The following PDZRN4 variants were observed in gnomAD, a reference collection of about 807,000 sequenced individuals.
PDZRN4 encodes PDZ domain containing ring finger 4.
In PDZRN4, 70 loss-of-function variants were observed where a neutral mutation model predicts 99.0. That is an observed-to-expected ratio of 0.71 (90% CI 0.58 to 0.86). The LOEUF (loss-of-function observed/expected upper bound fraction) is 0.86. PDZRN4 is among the 40% of genes least tolerant of loss of function. PDZRN4 has a pLI of 0.00. For missense variants in PDZRN4, 1,474 were observed against 1,331.2 expected, an observed-to-expected ratio of 1.11 and a Z score of -1.67; for synonymous variants, 551 against 501.6, an observed-to-expected ratio of 1.10 and a Z score of -1.32.
intron 3 of PDZRN4, among the ~76,000 whole-genome samples, chr12:41,429,843 A>G (rs1263739780): frequency 1.3e-5 from 2 of 149,102 alleles, no homozygotes; most frequent in Non-Finnish European, 2.9e-5. Flanking sequence ...TTACACTACT[A>G]TTCAATAAAT....
chr12:41,457,795 TGA>T (rs1952829373), intron 3 of PDZRN4, among the ~76,000 whole-genome samples: 1 of 152,244 alleles, frequency 6.6e-6, no homozygotes, highest in African/African-American at 2.4e-5. Context: ...ACCCAGGGGT[TGA>T]TAATGACCAT....
At chr12:41,353,138 T>C (rs1189066845) in intron 3 of PDZRN4, among the ~76,000 whole-genome samples, 3 of 152,104 alleles carry the variant, frequency 2.0e-5, no homozygotes, top group South Asian at 4.1e-4. Flanking sequence ...TATTTTAATA[T>C]GCATATTCAT....
rs371783767 is a variant in PDZRN4, at chr12:41,573,912, G to A, written c.*22G>A. Reference sequence around the variant, plus strand: ...ATGACCGAATGAATGGAATGCATGCGACTGATTTTAGGAGGATGCTACCAG... The same window carrying A: ...ATGACCGAATGAATGGAATGCATGCAACTGATTTTAGGAGGATGCTACCAG... On this transcript the variant is annotated 3_prime_UTR_variant, in exon 10 of 10. Transcript: ENST00000402685. 1.1e-5 allele frequency: 17 copies of A among 1,486,988 alleles called. No individual in the cohort carries two copies. Among genetic ancestry groups the A allele is most frequent in the Non-Finnish European group, 1.5e-5 (17 of 1,108,180 alleles). The allele number at this position is 1,486,988 out of a possible 1,614,324, so 92.1% of individuals were successfully genotyped here.
chr12:41,234,599 A>G (rs1951052912), intron 3 of PDZRN4, among the ~76,000 whole-genome samples: 1 of 152,116 alleles, frequency 6.6e-6, no homozygotes, highest in African/African-American at 2.4e-5. Flanking sequence ...GTCACATTTG[A>G]GCACATAGGA....
In PDZRN4 at chr12:41,401,887, C is replaced by T. The variant is rs1047694638; in HGVS notation, c.844-104569C>T. 1.5e-4 allele frequency among the ~76,000 whole-genome samples: 22 copies of T among 151,496 alleles called. No individual in the cohort carries two copies. The South Asian group carries it at 1.7e-3, about 11-fold the overall frequency. ...GATTCCCCCTCTTCGTTGTGTGAAG[C>T]ATTAAATTCCTCAGGGCCTTGTACA... On this transcript the variant is annotated intron_variant, in intron 3 of 9. Coordinates refer to ENST00000402685, the MANE Select transcript of PDZRN4 (RefSeq NM_001164595.2).
At chr12:41,301,233 A>G (rs949046213) in intron 3 of PDZRN4, among the ~76,000 whole-genome samples, 4 of 152,072 alleles carry the variant, frequency 2.6e-5, no homozygotes, top group Middle Eastern at 3.4e-3. Flanking sequence ...GACAGACATC[A>G]TGCCCATTTG....
intron 5 of PDZRN4, among the ~76,000 whole-genome samples, chr12:41,538,344 T>A (rs1938785114): frequency 6.6e-6 from 1 of 152,176 alleles, no homozygotes; most frequent in Non-Finnish European, 1.5e-5. Flanking sequence ...TAAAAGTTCT[T>A]CAGAGTCATA....
At chr12:41,359,695 C>G (rs530932661) in intron 3 of PDZRN4, among the ~76,000 whole-genome samples, 1 of 152,050 alleles carries the variant, frequency 6.6e-6, no homozygotes, top group Admixed American at 6.6e-5. Flanking sequence ...CCTCCTTTAC[C>G]TTCCACCATG....
At chr12:41,325,144 CT>C (rs1247512343) in intron 3 of PDZRN4, among the ~76,000 whole-genome samples, 1 of 151,866 alleles carries the variant, frequency 6.6e-6, no homozygotes, top group East Asian at 1.9e-4. Context: ...TGATTATTAC[CT>C]TTTTCTCTAT....
intron 3 of PDZRN4, among the ~76,000 whole-genome samples, chr12:41,306,242 C>T (rs77087637): frequency 0.02 from 3,065 of 152,288 alleles, 88 homozygotes; most frequent in African/African-American, 0.069. Flanking sequence ...TACCATGGCT[C>T]TGCTGGGCAG....
chr12:41,517,535 T>G (rs914613118), intron 5 of PDZRN4, among the ~76,000 whole-genome samples: 4 of 152,086 alleles, frequency 2.6e-5, no homozygotes, highest in African/African-American at 9.7e-5. Context: ...TTAAAGATTC[T>G]AATATTCTTT....
At chr12:41,376,683 T>C (rs1165027937) in intron 3 of PDZRN4, among the ~76,000 whole-genome samples, 1 of 152,116 alleles carries the variant, frequency 6.6e-6, no homozygotes, top group African/African-American at 2.4e-5. Context: ...ATTGGTTGCT[T>C]TTTTATTTTG....
At chr12:41,387,916 C>T (rs1261975241) in intron 3 of PDZRN4, among the ~76,000 whole-genome samples, 1 of 152,170 alleles carries the variant, frequency 6.6e-6, no homozygotes, top group Admixed American at 6.5e-5. Flanking sequence ...CCCAGCAATC[C>T]CATTACTGGA....
chr12:41,319,843 A>G (rs1260749221), intron 3 of PDZRN4, among the ~76,000 whole-genome samples: 2 of 152,184 alleles, frequency 1.3e-5, no homozygotes, highest in Non-Finnish European at 2.9e-5. Flanking sequence ...TATGCCTGCA[A>G]CCCTTGCAGA....
chr12:41,441,550 T>G (rs553498943), intron 3 of PDZRN4, among the ~76,000 whole-genome samples: 6 of 152,298 alleles, frequency 3.9e-5, no homozygotes, highest in African/African-American at 1.2e-4. Context: ...AAGCATCATC[T>G]TATTTAATCA....
chr12:41,565,296 T>C (rs1344359519), intron 8 of PDZRN4, among the ~76,000 whole-genome samples: 2 of 151,534 alleles, frequency 1.3e-5, no homozygotes, highest in African/African-American at 4.9e-5. Flanking sequence ...CCCTTGATCC[T>C]AAAGAAACCT....
intron 9 of PDZRN4, among the ~76,000 whole-genome samples, chr12:41,570,721 A>G (rs1034209739): frequency 6.6e-6 from 1 of 152,198 alleles, no homozygotes; most frequent in African/African-American, 2.4e-5. Flanking sequence ...ATGGTGTAGT[A>G]TAAAGACATT....
At chr12:41,284,431 G>A (rs1393800072) in intron 3 of PDZRN4, among the ~76,000 whole-genome samples, 1 of 152,072 alleles carries the variant, frequency 6.6e-6, no homozygotes, top group Admixed American at 6.6e-5. Context: ...TGGCCATACT[G>A]CCCAAAGTAA....
intron 3 of PDZRN4, among the ~76,000 whole-genome samples, chr12:41,240,056 T>C (rs994453725): frequency 1.2e-4 from 19 of 152,234 alleles, no homozygotes; most frequent in Non-Finnish European, 2.9e-5. Flanking sequence ...CAGCAGTTCA[T>C]GTTGCTGAAA....
Sources: allele counts gnomAD v4.1 joint callset (sites outside exome capture counted in the v4.1 genomes callset), GRCh38; gene constraint gnomAD v4.1.1; transcripts MANE v1.5; gene names NCBI Gene and HGNC (gene_info 2026-07-23, HGNC 2026-07-21).